The following APBB2 variants were observed in gnomAD, a reference collection of about 807,000 sequenced individuals.
APBB2 encodes amyloid beta precursor protein binding family B member 2, also known as Fe65-like 1.
Under a neutral mutation model 82.5 loss-of-function variants are expected in APBB2, and 38 were observed. That is an observed-to-expected ratio of 0.46 (90% CI 0.36 to 0.60). The LOEUF is 0.60. Among genes scored for constraint, APBB2 ranks in the 20% least tolerant of loss-of-function variants. APBB2 has a pLI of 0.00. For synonymous variants in APBB2, 341 were observed against 368.2 expected (o/e 0.93, Z 0.85); for missense variants, 772 against 972.3 (o/e 0.79, Z 2.74).
intron 1 of APBB2, among the ~76,000 whole-genome samples, chr4:41,183,991 T>C (rs1461368672): frequency 6.6e-6 from 1 of 151,960 alleles, no homozygotes. Context: ...TTCCTGCAAC[T>C]AGATGGTCCC....
At chr4:41,213,503 T>A (rs945447227) in intron 1 of APBB2, among the ~76,000 whole-genome samples, 1 of 152,196 alleles carries the variant, frequency 6.6e-6, no homozygotes, top group African/African-American at 2.4e-5. Context: ...ATATGATTTA[T>A]CCAAATTAAT....
chr4:40,945,976 T>C (rs1788269198), intron 6 of APBB2, among the ~76,000 whole-genome samples: 1 of 152,158 alleles, frequency 6.6e-6, no homozygotes, highest in Non-Finnish European at 1.5e-5. Flanking sequence ...TTCACACCTA[T>C]AATCCCAGCA....
At chr4:41,081,377 G>A (rs1041220545) in intron 3 of APBB2, among the ~76,000 whole-genome samples, 9 of 151,996 alleles carry the variant, frequency 5.9e-5, no homozygotes, top group Non-Finnish European at 5.9e-5. Flanking sequence ...TTTCAGAAAT[G>A]GAAAGACAAA....
intron 6 of APBB2, among the ~76,000 whole-genome samples, chr4:40,988,083 G>T (rs1800893144): frequency 1.3e-5 from 2 of 152,304 alleles, no homozygotes; most frequent in South Asian, 4.1e-4. Context: ...TGATCAGACT[G>T]TTCATATGGT....
At chr4:41,171,482 A>G (rs1275795635) in intron 1 of APBB2, among the ~76,000 whole-genome samples, 1 of 152,220 alleles carries the variant, frequency 6.6e-6, no homozygotes, top group Non-Finnish European at 1.5e-5. Context: ...ATCTTGTTGA[A>G]TAAACAGAAT....
chr4:41,175,429 A>G (rs1328924942), intron 1 of APBB2, among the ~76,000 whole-genome samples: 3 of 152,200 alleles, frequency 2.0e-5, no homozygotes, highest in African/African-American at 7.2e-5. Flanking sequence ...AATTTAAAAA[A>G]TAAGGCTTGT....
intron 2 of APBB2, among the ~76,000 whole-genome samples, chr4:41,123,842 A>C (rs534807199): frequency 6.6e-6 from 1 of 151,910 alleles, no homozygotes; most frequent in East Asian, 1.9e-4. Context: ...CCAAAAAACA[A>C]AACAAAACAA....
rs575947264 is a variant in APBB2, at chr4:41,075,083, T to A, written c.-148-9410A>T. Reference sequence around the variant, plus strand: ...AGGAGGGCGATGCTGCAATGAGTCATGTTTGTGACAATGCACTCCAGCCTG... The same window carrying A: ...AGGAGGGCGATGCTGCAATGAGTCAAGTTTGTGACAATGCACTCCAGCCTG... On this transcript the variant is annotated intron_variant, in intron 3 of 17. Transcript: ENST00000508593. Among the ~76,000 whole-genome samples, 6 of 152,234 alleles carry A rather than the reference T, an allele frequency of 3.9e-5. No homozygotes were observed. The South Asian group carries it at 1.2e-3, about 32-fold the overall frequency.
At chr4:41,074,819 G>A (rs1055563225) in intron 3 of APBB2, among the ~76,000 whole-genome samples, 1 of 151,416 alleles carries the variant, frequency 6.6e-6, no homozygotes, top group South Asian at 2.1e-4. Context: ...CCATATTATT[G>A]TTTTTTTTAA....
chr4:40,986,031 G>C (rs1434568093), intron 6 of APBB2, among the ~76,000 whole-genome samples: 1 of 152,142 alleles, frequency 6.6e-6, no homozygotes, highest in Non-Finnish European at 1.5e-5. Flanking sequence ...AGTTCTATTT[G>C]AAAAACCTTT....
chr4:40,873,789 TTC>T (rs1417648284), intron 12 of APBB2, among the ~76,000 whole-genome samples: 2 of 152,230 alleles, frequency 1.3e-5, no homozygotes, highest in African/African-American at 4.8e-5. Flanking sequence ...TAACTTTGTG[TTC>T]TTTTAGTTGC....
chr4:40,875,587 G>C (rs1766675921), intron 12 of APBB2, among the ~76,000 whole-genome samples: 2 of 152,096 alleles, frequency 1.3e-5, no homozygotes, highest in Admixed American at 6.6e-5. Context: ...TACAATGTTT[G>C]TGAATTCTGG....
At chr4:41,089,230 T>C (rs904312564) in intron 3 of APBB2, among the ~76,000 whole-genome samples, 1 of 152,182 alleles carries the variant, frequency 6.6e-6, no homozygotes, top group African/African-American at 2.4e-5. Context: ...TAAATATTCC[T>C]TACCCAAAAT....
intron 4 of APBB2, among the ~76,000 whole-genome samples, chr4:41,044,457 A>C (rs1272272144): frequency 6.6e-6 from 1 of 152,172 alleles, no homozygotes; most frequent in East Asian, 1.9e-4. Flanking sequence ...AGATGTCCCA[A>C]GCTCATCTTA....
chr4:40,927,607 G>A (rs1158945620), intron 10 of APBB2, among the ~76,000 whole-genome samples: 1 of 151,952 alleles, frequency 6.6e-6, no homozygotes, highest in Non-Finnish European at 1.5e-5. Flanking sequence ...TCAGCCTCCC[G>A]AGTAGCTGGG....
intron 1 of APBB2, among the ~76,000 whole-genome samples, chr4:41,168,567 C>T (rs1767359529): frequency 1.3e-5 from 2 of 151,798 alleles, no homozygotes; most frequent in Non-Finnish European, 2.9e-5. Context: ...CCTAGTAATT[C>T]GTTTTCCTAG....
chr4:41,132,514 C>T (rs1322013661), intron 2 of APBB2, among the ~76,000 whole-genome samples: 1 of 152,192 alleles, frequency 6.6e-6, no homozygotes, highest in African/African-American at 2.4e-5. Flanking sequence ...ATTCTGGAGG[C>T]TTCCATGGCC....
At chr4:40,964,019 A>G (rs775112567) in intron 6 of APBB2, among the ~76,000 whole-genome samples, 1 of 152,250 alleles carries the variant, frequency 6.6e-6, no homozygotes, top group South Asian at 2.1e-4. Context: ...TTTTAAAAGC[A>G]AGAATGCAGT....
At chr4:41,210,211 C>T (rs80128276) in intron 1 of APBB2, among the ~76,000 whole-genome samples, 6,463 of 152,230 alleles carry the variant, frequency 0.042, 250 homozygotes, top group South Asian at 0.15. Flanking sequence ...GGCTGGGGAC[C>T]CCTGCTCTTA....
Sources: gnomAD v4.1 joint callset for allele counts (sites outside exome capture counted in the v4.1 genomes callset) on GRCh38, gnomAD v4.1.1 for gene constraint, MANE v1.5 for transcripts, NCBI Gene and HGNC (gene_info 2026-07-23, HGNC 2026-07-21) for gene names.